Variants in PATJ observed in about 807,000 individuals in gnomAD.
PATJ encodes inaD-like protein.
PATJ carries 190 observed loss-of-function variants against 224.9 expected under a neutral mutation model. That is an observed-to-expected ratio of 0.84 (90% CI 0.75 to 0.95). The LOEUF (loss-of-function observed/expected upper bound fraction) is 0.95, where lower values mean the gene tolerates loss of function less well. PATJ is among the 40% of genes least tolerant of loss of function. PATJ has a pLI of 0.00. For synonymous variants in PATJ, 769 were observed against 820.3 expected, an observed-to-expected ratio of 0.94 and a Z score of 1.07; for missense variants, 2,121 against 2,270.3, an observed-to-expected ratio of 0.93 and a Z score of 1.34.
chr1:61,826,773 A>G (rs890201864), intron 15 of PATJ, among the ~76,000 whole-genome samples: 7 of 152,200 alleles, frequency 4.6e-5, no homozygotes, highest in African/African-American at 1.7e-4. Flanking sequence ...TTTTCTATAT[A>G]TGCTTGATTG....
intron 1 of PATJ, among the ~76,000 whole-genome samples, chr1:61,753,478 G>T (rs1363284482): frequency 6.6e-6 from 1 of 151,358 alleles, no homozygotes; most frequent in Non-Finnish European, 1.5e-5. Context: ...GTGTTTCTCA[G>T]AATCCTTACT....
chr1:62,056,466 T>C (rs943799098), intron 31 of PATJ, among the ~76,000 whole-genome samples: 8 of 152,036 alleles, frequency 5.3e-5, no homozygotes, highest in Admixed American at 5.2e-4. Context: ...AGTTTGAGGC[T>C]GCAGTGAGCT....
chr1:61,829,756 C>G (rs571923718), intron 16 of PATJ, among the ~76,000 whole-genome samples: 21 of 152,214 alleles, frequency 1.4e-4, no homozygotes, highest in African/African-American at 4.8e-4. Context: ...TCTCCTAATA[C>G]CATCTTATAT....
rs188626908 is a variant in PATJ, at chr1:61,794,926, G to A, written c.1169-541G>A. On this transcript the variant is annotated intron_variant, in intron 9 of 43. Coordinates refer to ENST00000642238, the MANE Select transcript of PATJ (RefSeq NM_001350145.3). The stretch of plus-strand genomic sequence containing the variant: ...GAACTCTGAAAGTGGAGGTTGCAGT[G>A]AGCTGAGATCGTGCCATTGCACTCC... 1.2e-3 allele frequency among the ~76,000 whole-genome samples: 187 copies of A among 152,080 alleles called. 1 individual carries two copies. The highest frequency in any genetic ancestry group is 4.1e-3 in the African/African-American group (168 of 41,462).
chr1:61,843,448 G>A (rs1005950848), intron 17 of PATJ, among the ~76,000 whole-genome samples: 1 of 152,140 alleles, frequency 6.6e-6, no homozygotes, highest in Non-Finnish European at 1.5e-5. Context: ...TAAATAAAAA[G>A]ATGAATATAG....
Position 61,752,311 on chromosome 1 carries a change from C to CTT in PATJ, c.-36+9775_-36+9776dup, listed in dbSNP as rs370759266. ...AAAAACTGACTCTTTTCATTTCTTT[C>CTT]TTTTTTTTTTTTTTTTTTTTAAGAC... On this transcript the variant is annotated intron_variant, in intron 1 of 43. Coordinates refer to ENST00000642238, the MANE Select transcript of PATJ (RefSeq NM_001350145.3). Among the ~76,000 whole-genome samples the CTT allele has an allele frequency of 9.9e-3, 1,225 of 124,022 alleles. 25 individuals are homozygous for CTT. Among genetic ancestry groups the CTT allele is most frequent in the South Asian group, 0.025 (99 of 3,928 alleles). 81.4% of individuals were successfully genotyped at this position (124,022 alleles called of 152,430 possible). A position where few individuals can be genotyped will look rare whatever the true frequency, so the allele number is the denominator to read the frequency against.
At chr1:61,941,176 A>G (rs1046318498) in intron 27 of PATJ, among the ~76,000 whole-genome samples, 1 of 152,224 alleles carries the variant, frequency 6.6e-6, no homozygotes, top group Non-Finnish European at 1.5e-5. Flanking sequence ...GAGAAAAGTT[A>G]ATGGTTCAGA....
chr1:62,146,838 T>C (rs967965177), intron 41 of PATJ, among the ~76,000 whole-genome samples: 1 of 151,748 alleles, frequency 6.6e-6, no homozygotes, highest in Non-Finnish European at 1.5e-5. Context: ...TTCATGAGGA[T>C]GGAATGTGGG....
At chr1:61,798,547 G>A (rs1009873412) in intron 11 of PATJ, among the ~76,000 whole-genome samples, 56 of 152,230 alleles carry the variant, frequency 3.7e-4, no homozygotes, top group Admixed American at 1.0e-3. Context: ...ATGAACAAAA[G>A]TTGATAATCA....
Position 62,051,067 on chromosome 1 carries a change from C to T in PATJ, c.4125+9C>T, listed in dbSNP as rs1236516301. 2 of 1,595,278 alleles carry T rather than the reference C, an allele frequency of 1.3e-6. No individual in the cohort carries two copies. The highest frequency in any genetic ancestry group is 1.7e-5 in the Admixed American group (1 of 59,970). Reference sequence around the variant, plus strand: ...GTGAAAGCTTCAAACTGGTGAGAATCTTGAGTATTTTTCATCCTGTATTCT... The same window carrying T: ...GTGAAAGCTTCAAACTGGTGAGAATTTTGAGTATTTTTCATCCTGTATTCT... On this transcript the variant is annotated intron_variant, in intron 31 of 43. Transcript: ENST00000642238.
intron 21 of PATJ, 96 bp downstream of exon 21, chr1:61,875,462 T>G (rs1667223829): frequency 1.0e-6 from 1 of 955,816 alleles, no homozygotes; most frequent in Non-Finnish European, 1.6e-6. Flanking sequence ...CATATTTTTA[T>G]TCATTATGAT....
intron 1 of PATJ, among the ~76,000 whole-genome samples, chr1:61,753,185 T>C (rs951216423): frequency 1.3e-5 from 2 of 152,188 alleles, no homozygotes; most frequent in Non-Finnish European, 2.9e-5. Context: ...CATTGATCTT[T>C]GCACTTGATA....
chr1:61,750,066 T>C (rs1427881422), intron 1 of PATJ, among the ~76,000 whole-genome samples: 1 of 152,230 alleles, frequency 6.6e-6, no homozygotes, highest in African/African-American at 2.4e-5. Flanking sequence ...TGAACAGTAA[T>C]ATTGTAAACC....
In PATJ at chr1:62,128,882, T is replaced by C; in HGVS notation, c.5208T>C (p.Asp1736=). 1 of 1,613,684 alleles carries C rather than the reference T, an allele frequency of 6.2e-7. No homozygotes were observed. The highest frequency in any genetic ancestry group is 8.5e-7 in the Non-Finnish European group (1 of 1,179,610). ...RIVSINGQPL[D]GLSHADVVNL... is the part of the protein sequence containing the mutation. ...TCAGCATTAACGGGCAACCTTTGGA[T>C]GGGCTGTCTCACGCGGATGTGGTTA... Residue 1736 remains aspartate (D), a synonymous_variant, in exon 41 of 44, where the codon GAT becomes GAC. Coordinates refer to ENST00000642238, the MANE Select transcript of PATJ (RefSeq NM_001350145.3).
Position 61,935,379 on chromosome 1 carries a change from TACCCTAATTTTGTTTTTCC to T in PATJ, c.3670+7570_3670+7588del, listed in dbSNP as rs905779306. Among the ~76,000 whole-genome samples the T allele has an allele frequency of 9.5e-4, 144 of 152,358 alleles. 1 individual carries two copies. In the East Asian group the frequency reaches 0.022, roughly 23 times the overall value. ...CGCTGTCATAGGTATTTTGTTTTTC[TACCCTAATTTTGTTTTTCC>T]ACCCTAATTTTGTTTTTCCCAGAAA... On this transcript the variant is annotated intron_variant, in intron 27 of 43. Coordinates refer to ENST00000642238, the MANE Select transcript of PATJ (RefSeq NM_001350145.3).
intron 25 of PATJ, among the ~76,000 whole-genome samples, chr1:61,912,694 A>G (rs71494225): frequency 0.81 from 85,405 of 105,922 alleles, 34,567 homozygotes; most frequent in East Asian, 0.99. Context: ...GAGGGGAGGG[A>G]AGAGGGGAGG....
chr1:61,766,191 G>A (rs1646259794), intron 3 of PATJ, 88 bp from the exon 4 acceptor site: 1 of 835,452 alleles, frequency 1.2e-6, no homozygotes, highest in Non-Finnish European at 1.8e-6. Context: ...AATGTGCAAA[G>A]TATCTATGTA....
In PATJ at chr1:62,086,973, G is replaced by T. The variant is rs1205602556; in HGVS notation, c.4377+2325G>T. Reference sequence around the variant, plus strand: ...TGCTAACCTCCGTCGTCCGTGGACAGCGGTACGTTATCAGCTCAGTGGGCC... The same window carrying T: ...TGCTAACCTCCGTCGTCCGTGGACATCGGTACGTTATCAGCTCAGTGGGCC... On this transcript the variant is annotated intron_variant, in intron 33 of 43. Transcript: ENST00000642238. The surrounding 1 kb of genome is among the most constrained non-coding windows in gnomAD (Gnocchi z 4.0). Among the ~76,000 whole-genome samples the T allele has an allele frequency of 6.6e-6, 1 of 152,178 alleles. No individual in the cohort carries two copies. Among genetic ancestry groups the T allele is most frequent in the African/African-American group, 2.4e-5 (1 of 41,444 alleles).
chr1:61,938,417 C>G (rs1057151337), intron 27 of PATJ, among the ~76,000 whole-genome samples: 1 of 152,106 alleles, frequency 6.6e-6, no homozygotes, highest in Non-Finnish European at 1.5e-5. Context: ...AACAAAACAG[C>G]TATCTATCTG....
Sources: gnomAD v4.1 joint callset for allele counts (sites outside exome capture counted in the v4.1 genomes callset) on GRCh38, gnomAD v4.1.1 for gene constraint, Gnocchi (gnomAD v3.1) non-coding constraint, MANE v1.5 for transcripts, NCBI Gene and HGNC (gene_info 2026-07-23, HGNC 2026-07-21) for gene names.